Variants in DPP6 observed in about 807,000 individuals in gnomAD.
The protein encoded by DPP6 is A-type potassium channel modulatory protein DPP6.
DPP6 carries 69 observed loss-of-function variants against 122.6 expected under a neutral mutation model. That is an observed-to-expected ratio of 0.56 (90% CI 0.46 to 0.69). The LOEUF (loss-of-function observed/expected upper bound fraction) is 0.69. Among genes scored for constraint, DPP6 ranks in the 30% least tolerant of loss-of-function variants. The pLI is 0.00. For synonymous variants in DPP6, 418 were observed against 433.1 expected, an observed-to-expected ratio of 0.97 and a Z score of 0.43; for missense variants, 928 against 1,116.9, an observed-to-expected ratio of 0.83 and a Z score of 2.41.
chr7:154,595,270 C>T (rs1250957129), intron 5 of DPP6, among the ~76,000 whole-genome samples: 2 of 152,158 alleles, frequency 1.3e-5, no homozygotes, highest in Non-Finnish European at 2.9e-5. Context: ...CTTTCTTCCC[C>T]TTATGCTTCC....
chr7:154,583,852 T>G (rs1304715104), intron 5 of DPP6, among the ~76,000 whole-genome samples: 2 of 152,054 alleles, frequency 1.3e-5, no homozygotes, highest in African/African-American at 4.8e-5. Context: ...ATCTCATCCG[T>G]TTAATCCCAC....
At chr7:154,367,899 C>T (rs942831544) in intron 1 of DPP6, among the ~76,000 whole-genome samples, 6 of 152,140 alleles carry the variant, frequency 3.9e-5, no homozygotes, top group African/African-American at 1.4e-4. Flanking sequence ...CTCCGCCTCC[C>T]GGGTTCAAGC....
chr7:153,885,280 TAA>T (rs1395318321), upstream of DPP6, among the ~76,000 whole-genome samples: 1 of 152,150 alleles, frequency 6.6e-6, no homozygotes, highest in Non-Finnish European at 1.5e-5. Context: ...ACCTGTACTC[TAA>T]GTGTTCCCTT....
chr7:154,551,827 T>C (rs1017831086), intron 4 of DPP6, among the ~76,000 whole-genome samples: 1 of 151,980 alleles, frequency 6.6e-6, no homozygotes, highest in Non-Finnish European at 1.5e-5. Context: ...TGAGGAGCAG[T>C]TGGAGGTGAA....
intron 3 of DPP6, among the ~76,000 whole-genome samples, chr7:154,490,066 G>C (rs1481568888): frequency 6.6e-6 from 1 of 152,120 alleles, no homozygotes; most frequent in Non-Finnish European, 1.5e-5. Context: ...TACAGATCAG[G>C]GGCCCTAGAA....
At chr7:154,108,761 G>A (rs1265675338) in intron 1 of DPP6, among the ~76,000 whole-genome samples, 1 of 152,170 alleles carries the variant, frequency 6.6e-6, no homozygotes, top group Non-Finnish European at 1.5e-5. Context: ...TGGTGGGCTG[G>A]GGAGCCACTG....
At chr7:154,456,270 C>T (rs1057332439) in intron 2 of DPP6, among the ~76,000 whole-genome samples, 3 of 152,166 alleles carry the variant, frequency 2.0e-5, no homozygotes, top group Admixed American at 2.0e-4. Context: ...AACAGTATAT[C>T]CATGCACTTT....
At chr7:154,753,109 G>A (rs528963142) in intron 8 of DPP6, among the ~76,000 whole-genome samples, 2 of 152,090 alleles carry the variant, frequency 1.3e-5, no homozygotes, top group African/African-American at 2.4e-5. Flanking sequence ...CTTCTCTTCC[G>A]AGACCTTCAC....
chr7:153,837,099 TAG>T, the DPP6 span, among the ~76,000 whole-genome samples: 5 of 152,212 alleles, frequency 3.3e-5, no homozygotes, highest in East Asian at 3.9e-4. Context: ...CAGGGATTCA[TAG>T]AGTTTCTTTT....
intron 5 of DPP6, among the ~76,000 whole-genome samples, chr7:154,625,207 G>A (rs1834987658): frequency 1.3e-5 from 2 of 152,190 alleles, no homozygotes; most frequent in South Asian, 2.1e-4. Flanking sequence ...GTAAGCAGCT[G>A]ATGAAAAGTT....
At chr7:154,584,430 G>A (rs1018341866) in intron 5 of DPP6, among the ~76,000 whole-genome samples, 3 of 152,194 alleles carry the variant, frequency 2.0e-5, no homozygotes, top group African/African-American at 7.2e-5. Context: ...ATGAGTCCCC[G>A]CACTCCAAGG....
At chr7:154,122,997 G>A (rs1236831339) in intron 1 of DPP6, among the ~76,000 whole-genome samples, 9 of 152,180 alleles carry the variant, frequency 5.9e-5, no homozygotes, top group African/African-American at 2.2e-4. Flanking sequence ...ACAGCAGCCA[G>A]GGACAGATCC....
chr7:154,689,332 G>A (rs1218536457), intron 7 of DPP6, among the ~76,000 whole-genome samples: 1 of 152,106 alleles, frequency 6.6e-6, no homozygotes, highest in East Asian at 1.9e-4. Context: ...TTCTTTGGTT[G>A]GTTGTTGTTG....
chr7:154,464,863 C>T (rs1445933793), intron 2 of DPP6, among the ~76,000 whole-genome samples: 1 of 152,154 alleles, frequency 6.6e-6, no homozygotes, highest in African/African-American at 2.4e-5. Context: ...ACAGAGTATC[C>T]ATTCCAAGAA....
chr7:154,666,144 T>G (rs1838135662), intron 6 of DPP6, among the ~76,000 whole-genome samples: 1 of 151,416 alleles, frequency 6.6e-6, no homozygotes, highest in African/African-American at 2.4e-5. Context: ...TCTTCTATGA[T>G]ATATAATTAT....
chr7:154,518,019 T>C (rs1241821053), intron 3 of DPP6, among the ~76,000 whole-genome samples: 1 of 152,194 alleles, frequency 6.6e-6, no homozygotes, highest in African/African-American at 2.4e-5. Context: ...AACTCATTAC[T>C]GACTGAAGAT....
Position 153,915,948 on chromosome 7 carries a change from TTTA to T in DPP6, c.51+28217_51+28219del, listed in dbSNP as rs1178355618. On this transcript the variant is annotated intron_variant, in intron 1 of 25. Coordinates refer to the DPP6 transcript ENST00000404039. ...AGATAAATAGCTCCTCTGATTTTTA[TTTA>T]TTTATTTATTTATTTATTTATTTAT... is the stretch of plus-strand genomic sequence containing the variant. Among the ~76,000 whole-genome samples, 5 of 4,926 alleles carry T rather than the reference TTTA, an allele frequency of 1.0e-3. No individual in the cohort carries two copies. In the East Asian group the frequency reaches 0.15, roughly 152 times the overall value. The allele number at this position is 4,926 out of a possible 152,430, so 3.2% of individuals were successfully genotyped here.
intron 16 of DPP6, among the ~76,000 whole-genome samples, chr7:154,811,648 C>T (rs1799068940): frequency 6.6e-6 from 1 of 152,164 alleles, no homozygotes; most frequent in Non-Finnish European, 1.5e-5. Context: ...TGAATACAAG[C>T]AACCTGATTT....
intron 1 of DPP6, among the ~76,000 whole-genome samples, chr7:154,436,284 A>G (rs1586265620): frequency 6.6e-6 from 1 of 150,852 alleles, no homozygotes; most frequent in African/African-American, 2.5e-5. Flanking sequence ...CCAGGTTACA[A>G]CCGCTCCATT....
Sources: gnomAD v4.1 joint callset for allele counts (sites outside exome capture counted in the v4.1 genomes callset) on GRCh38, gnomAD v4.1.1 for gene constraint, MANE v1.5 for transcripts, NCBI Gene and HGNC (gene_info 2026-07-23, HGNC 2026-07-21) for gene names.